Variants in PLEKHH2 observed in about 807,000 individuals in gnomAD.
PLEKHH2 encodes pleckstrin homology, MyTH4 and FERM domain containing H2.
PLEKHH2 carries 129 observed loss-of-function variants against 187.9 expected under a neutral mutation model. The ratio of observed to expected loss-of-function variants is 0.69; its 90% CI spans 0.59 to 0.79. The LOEUF is 0.79. Ranked by LOEUF, PLEKHH2 falls within the 30% of genes least tolerant of loss-of-function variation. The probability of loss-of-function intolerance (pLI) is 0.00; values close to 1 mark genes in which losing one functional copy is unlikely to be tolerated. For synonymous variants in PLEKHH2, 686 were observed against 605.6 expected (o/e 1.13, Z -1.95); for missense variants, 2,076 against 1,751.2 (o/e 1.19, Z -3.31).
intron 23 of PLEKHH2, among the ~76,000 whole-genome samples, chr2:43,745,556 C>T (rs1671743955): frequency 6.6e-6 from 1 of 152,064 alleles, no homozygotes; most frequent in South Asian, 2.1e-4. Flanking sequence ...TCTTCAGTGA[C>T]CAAATCATGG....
chr2:43,675,797 G>C lies in PLEKHH2; in HGVS notation c.124-3066G>C. 4 of 1,613,744 alleles carry C rather than the reference G, an allele frequency of 2.5e-6. No homozygotes were observed. In the South Asian group the frequency reaches 3.3e-5, roughly 13 times the overall value. On this transcript the variant is annotated intron_variant, in intron 2 of 29. Coordinates refer to ENST00000282406, the MANE Select transcript of PLEKHH2 (RefSeq NM_172069.4). Reference sequence around the variant, plus strand: ...CCTCCTTCCACAGTCACGTATTCGAGGTCTCCAAATATAACAGTGTGGCCC... The same window carrying C: ...CCTCCTTCCACAGTCACGTATTCGACGTCTCCAAATATAACAGTGTGGCCC...
intron 2 of PLEKHH2, among the ~76,000 whole-genome samples, chr2:43,645,285 T>C (rs1292361914): frequency 2.6e-5 from 4 of 152,182 alleles, no homozygotes; most frequent in East Asian, 3.8e-4. Flanking sequence ...TTTCTAATCA[T>C]GTAATTAGAA....
chr2:43,679,073 T>C, intron 3 of PLEKHH2, 148 bp downstream of exon 3: 1 of 487,414 alleles, frequency 2.1e-6, no homozygotes, highest in Non-Finnish European at 3.6e-6. Flanking sequence ...AAATGGAGAA[T>C]CTAACTCTAT....
intron 15 of PLEKHH2, among the ~76,000 whole-genome samples, chr2:43,716,733 T>C (rs1307579366): frequency 6.6e-6 from 1 of 152,218 alleles, no homozygotes; most frequent in Admixed American, 6.5e-5. Context: ...TTTACTTGCT[T>C]TACCACGTAT....
intron 14 of PLEKHH2, chr2:43,711,906 A>AG: frequency 2.0e-6 from 2 of 1,001,554 alleles, no homozygotes; most frequent in African/African-American, 3.6e-5. Flanking sequence ...AAAAAAAAAA[A>AG]AAAGAAAAGT....
At chr2:43,703,913 AGTCT>A in intron 8 of PLEKHH2, 64 bp from the exon 9 acceptor site, 3 of 777,840 alleles carry the variant, frequency 3.9e-6, no homozygotes, top group Non-Finnish European at 4.0e-6. Flanking sequence ...TATTGAAAGT[AGTCT>A]TTTTTTTTTT....
chr2:43,718,749 G>A (rs1408012836), intron 15 of PLEKHH2, among the ~76,000 whole-genome samples: 1 of 151,950 alleles, frequency 6.6e-6, no homozygotes, highest in Admixed American at 6.6e-5. Flanking sequence ...TCTGAAGATT[G>A]TTTGAAGAAG....
chr2:43,726,517 A>T, intron 17 of PLEKHH2, 66 bp downstream of exon 17: 1 of 1,419,570 alleles, frequency 7.0e-7, no homozygotes, highest in Non-Finnish European at 9.7e-7. Context: ...ATTGGTAATA[A>T]TTATCAAATC....
chr2:43,740,095 C>T lies in PLEKHH2; in HGVS notation c.3124-851C>T, dbSNP rs139604561. Among the ~76,000 whole-genome samples the T allele has an allele frequency of 2.8e-3, 429 of 152,178 alleles. 4 individuals are homozygous for T. Among genetic ancestry groups the T allele is most frequent in the African/African-American group, 9.7e-3 (403 of 41,506 alleles). On this transcript the variant is annotated intron_variant, in intron 20 of 29. Coordinates refer to ENST00000282406, the MANE Select transcript of PLEKHH2 (RefSeq NM_172069.4). ...GTTTTAAAAATGGCTGAAAATTATACATAGGAAACAAGGGCAAATAAGATC... is the reference window on the plus strand; with the variant it reads ...GTTTTAAAAATGGCTGAAAATTATATATAGGAAACAAGGGCAAATAAGATC...
intron 11 of PLEKHH2, among the ~76,000 whole-genome samples, chr2:43,709,309 T>C (rs942776976): frequency 6.6e-6 from 1 of 152,222 alleles, no homozygotes; most frequent in African/African-American, 2.4e-5. Context: ...GTGAGGTTAC[T>C]TTAAAAGTGA....
chr2:43,701,071 G>A (rs1669338295), intron 8 of PLEKHH2, among the ~76,000 whole-genome samples: 1 of 152,194 alleles, frequency 6.6e-6, no homozygotes. Context: ...CAAGACAGAT[G>A]GGAGATCAAG....
intron 19 of PLEKHH2, among the ~76,000 whole-genome samples, chr2:43,731,934 C>A (rs913897904): frequency 6.6e-6 from 1 of 152,182 alleles, no homozygotes; most frequent in Non-Finnish European, 1.5e-5. Context: ...AGCACTCTCT[C>A]TCCTCTCTAG....
intron 2 of PLEKHH2, among the ~76,000 whole-genome samples, chr2:43,670,590 T>A (rs10175152): frequency 0.014 from 2,087 of 151,996 alleles, 45 homozygotes; most frequent in African/African-American, 0.048. Flanking sequence ...GGCAATTTTA[T>A]AAGTCTTGAT....
intron 26 of PLEKHH2, 127 bp downstream of exon 26, chr2:43,757,391 A>T: frequency 1.5e-6 from 1 of 676,668 alleles, no homozygotes; most frequent in Non-Finnish European, 2.2e-6. Context: ...AACATGATTG[A>T]GCCACAGGAG....
chr2:43,742,878 C>A lies in PLEKHH2; in HGVS notation c.3359C>A (p.Pro1120His), dbSNP rs1421363346. The A allele has an allele frequency of 1.2e-6, 2 of 1,603,502 alleles. No individual in the cohort carries two copies. Among genetic ancestry groups the A allele is most frequent in the Non-Finnish European group, 1.7e-6 (2 of 1,175,994 alleles). The change falls in exon 22 of 30, where the codon CCC (proline) becomes CAC (histidine). Residue 1120 changes from proline (P) to histidine (H), a missense_variant. Physicochemically the swap from Pro to His is moderately conservative, Grantham distance 77. Coordinates refer to ENST00000282406, the MANE Select transcript of PLEKHH2 (RefSeq NM_172069.4). Reference protein sequence around the residue: ...LLRNPYHHSLPFSIPVHFMNG... With the variant: ...LLRNPYHHSLHFSIPVHFMNG... ...CGAAACCCTTATCACCATTCTTTGC[C>A]CTTTAGTATACCTGTGCACTTCATG... is the stretch of plus-strand genomic sequence containing the variant.
chr2:43,721,439 C>G (rs1670474674), intron 16 of PLEKHH2, among the ~76,000 whole-genome samples: 2 of 152,178 alleles, frequency 1.3e-5, no homozygotes, highest in South Asian at 2.1e-4. Context: ...TGAGACTAAA[C>G]TTCTTGGTCT....
chr2:43,739,565 C>T (rs1671464509), intron 20 of PLEKHH2, among the ~76,000 whole-genome samples: 1 of 152,178 alleles, frequency 6.6e-6, no homozygotes, highest in African/African-American at 2.4e-5. Context: ...AAATGGATTA[C>T]TTTTGCACAT....
chr2:43,762,268 G>A lies in PLEKHH2; in HGVS notation c.4072-36G>A, dbSNP rs1211719546. ...AAAAATATTCCTGTAATTTTGCTTAGTATTTATAATATAGTGTATTTTCAC... is the reference window on the plus strand; with the variant it reads ...AAAAATATTCCTGTAATTTTGCTTAATATTTATAATATAGTGTATTTTCAC... On this transcript the variant is annotated intron_variant, in intron 27 of 29. Coordinates refer to ENST00000282406, the MANE Select transcript of PLEKHH2 (RefSeq NM_172069.4). 9.6e-6 allele frequency: 14 copies of A among 1,459,582 alleles called. No homozygotes were observed. In the East Asian group the frequency reaches 2.7e-4, roughly 28 times the overall value. The allele number at this position is 1,459,582 out of a possible 1,614,324, so 90.4% of individuals were successfully genotyped here.
chr2:43,673,581 T>A (rs1667587767), intron 2 of PLEKHH2, among the ~76,000 whole-genome samples: 1 of 152,186 alleles, frequency 6.6e-6, no homozygotes, highest in Non-Finnish European at 1.5e-5. Context: ...TTAAAATTAT[T>A]CATAAAAATA....
Sources: allele counts gnomAD v4.1 joint callset (sites outside exome capture counted in the v4.1 genomes callset), GRCh38; gene constraint gnomAD v4.1.1; transcripts MANE v1.5; gene names NCBI Gene and HGNC (gene_info 2026-07-23, HGNC 2026-07-21).